Variants in ITGAM observed in about 807,000 individuals in gnomAD.
ITGAM encodes the protein integrin subunit alpha M, also known as integrin alpha-M.
Under a neutral mutation model 137.5 loss-of-function variants are expected in ITGAM, and 79 were observed. That is an observed-to-expected ratio of 0.57 (90% CI 0.48 to 0.69). The LOEUF (loss-of-function observed/expected upper bound fraction) is 0.69, where lower values mean the gene tolerates loss of function less well. ITGAM is among the 30% of genes least tolerant of loss of function. The pLI is 0.00. For missense variants in ITGAM, 1,343 were observed against 1,483.5 expected (o/e 0.91, Z 1.56); for synonymous variants, 583 against 592.3 (o/e 0.98, Z 0.23).
intron 23 of ITGAM, among the ~76,000 whole-genome samples, chr16:31,328,530 C>T (rs192402171): frequency 2.9e-4 from 43 of 148,040 alleles, no homozygotes; most frequent in Non-Finnish European, 5.5e-4. Context: ...TGTGTGCGTG[C>T]ATGGGTGTGT....
In ITGAM at chr16:31,331,199, AC is replaced by A; in HGVS notation, c.3316del (p.Leu1106CysfsTer35). Reference protein sequence around the residue: ...ETKVEPFEVPNPLPLIVGSSV... With the variant: ...ETKVEPFEVPXPLPLIVGSSV... ...AAAGTGGAGCCGTTCGAGGTCCCCAACCCCCTGCCGCTCATCGTGGGCAGCT... is the reference window on the plus strand; with the variant it reads ...AAAGTGGAGCCGTTCGAGGTCCCCAACCCCTGCCGCTCATCGTGGGCAGCT... On this transcript the variant is annotated frameshift_variant, in exon 29 of 30. Transcript: ENST00000544665. LOFTEE classifies it high-confidence loss of function. 6.2e-7 allele frequency: 1 copy of A among 1,612,432 alleles called. No individual in the cohort carries two copies. The highest frequency in any genetic ancestry group is 1.1e-5 in the South Asian group (1 of 90,994).
intron 16 of ITGAM, among the ~76,000 whole-genome samples, chr16:31,323,158 A>G (rs1232869834): frequency 6.6e-6 from 1 of 152,144 alleles, no homozygotes; most frequent in East Asian, 1.9e-4. Context: ...CTGGCCAGTC[A>G]CGGTGGCTCA....
chr16:31,273,531 G>C lies in ITGAM; in HGVS notation c.858+13G>C. 6.2e-7 allele frequency: 1 copy of C among 1,612,428 alleles called. No individual in the cohort carries two copies. Among genetic ancestry groups the C allele is most frequent in the Non-Finnish European group, 8.5e-7 (1 of 1,178,906 alleles). On this transcript the variant is annotated intron_variant, in intron 8 of 29. Coordinates refer to ENST00000544665, the MANE Select transcript of ITGAM (RefSeq NM_000632.4). ...CTACGTCATTGGGGTAGGGAATGCA[G>C]CTCTCAGGTTGATGCTTCTGTGGAG...
chr16:31,321,382 C>T lies in ITGAM; in HGVS notation c.1838+11C>T. The T allele has an allele frequency of 6.2e-7, 1 of 1,613,928 alleles. No individual in the cohort carries two copies. The highest frequency in any genetic ancestry group is 8.5e-7 in the Non-Finnish European group (1 of 1,179,856). ...CGTGCTGCTGCTCAGGTGAGAATGC[C>T]TTTTGGAGTCAACCGGACATTCTCC... On this transcript the variant is annotated intron_variant, in intron 15 of 29. Transcript: ENST00000544665.
In ITGAM at chr16:31,324,921, TCTTTC is replaced by T. The variant is rs771885019; in HGVS notation, c.2290-31_2290-27del. The T allele has an allele frequency of 5.7e-6, 9 of 1,570,270 alleles. No homozygotes were observed. The highest frequency in any genetic ancestry group is 1.2e-5 in the South Asian group (1 of 85,970). On this transcript the variant is annotated intron_variant, in intron 18 of 29. Coordinates refer to ENST00000544665, the MANE Select transcript of ITGAM (RefSeq NM_000632.4). The surrounding 1 kb of genome is among the most constrained non-coding windows in gnomAD (Gnocchi z 4.5). Reference sequence around the variant, plus strand: ...TTAATTTCACAATACTTGGTTATTTTCTTTCCTTTCATTTGATCATATTTATTTTT... The same window carrying T: ...TTAATTTCACAATACTTGGTTATTTTCTTTCATTTGATCATATTTATTTTT...
chr16:31,264,572 A>G (rs1178259231), intron 2 of ITGAM, among the ~76,000 whole-genome samples: 2 of 152,128 alleles, frequency 1.3e-5, no homozygotes, highest in Admixed American at 1.3e-4. Flanking sequence ...TGAGCCCAGG[A>G]GGCAGAGGTT....
At chr16:31,316,708 A>G (rs1274167251) in intron 14 of ITGAM, among the ~76,000 whole-genome samples, 3 of 152,232 alleles carry the variant, frequency 2.0e-5, no homozygotes, top group Non-Finnish European at 2.9e-5. Context: ...TTTGAATAGT[A>G]TGGACCTTTA....
chr16:31,309,908 A>G (rs1013419358), intron 14 of ITGAM, among the ~76,000 whole-genome samples: 16 of 152,042 alleles, frequency 1.1e-4, no homozygotes, highest in African/African-American at 2.9e-4. Context: ...TTCTTCACTT[A>G]TGAAGCTTAG....
intron 1 of ITGAM, among the ~76,000 whole-genome samples, chr16:31,260,823 G>A (rs563418934): frequency 6.6e-6 from 1 of 152,318 alleles, no homozygotes; most frequent in South Asian, 2.1e-4. Context: ...CAACCTGCCA[G>A]CTAGAGATTG....
intron 13 of ITGAM, 25 bp from the exon 14 acceptor site, chr16:31,297,720 G>A: frequency 3.1e-6 from 5 of 1,593,936 alleles, no homozygotes; most frequent in Non-Finnish European, 3.4e-6. Flanking sequence ...CTGGGTTGGG[G>A]CCTGATACTG....
At chr16:31,275,993 G>A (rs778494337) in intron 9 of ITGAM, among the ~76,000 whole-genome samples, 5 of 152,172 alleles carry the variant, frequency 3.3e-5, no homozygotes, top group Non-Finnish European at 5.9e-5. Context: ...GCCAGCTGTC[G>A]TCTGTTCGGT....
chr16:31,305,679 C>T (rs186521020), intron 14 of ITGAM, among the ~76,000 whole-genome samples: 153 of 152,082 alleles, frequency 1.0e-3, no homozygotes, highest in African/African-American at 3.4e-3. Context: ...TAAAGGGATG[C>T]TGGATTTTAT....
chr16:31,274,515 A>G (rs2079884730), intron 8 of ITGAM, among the ~76,000 whole-genome samples: 1 of 152,206 alleles, frequency 6.6e-6, no homozygotes, highest in African/African-American at 2.4e-5. Context: ...TCTTCTAGTC[A>G]CAGAGCTGTC....
intron 12 of ITGAM, among the ~76,000 whole-genome samples, chr16:31,284,982 C>T (rs1012732768): frequency 6.6e-6 from 1 of 152,088 alleles, no homozygotes; most frequent in South Asian, 2.1e-4. Flanking sequence ...GAAGGAAGGG[C>T]TTTATTCAGT....
At chr16:31,300,043 TAGAGATGGGG>T (rs926963822) in intron 14 of ITGAM, among the ~76,000 whole-genome samples, 3 of 152,112 alleles carry the variant, frequency 2.0e-5, no homozygotes, top group African/African-American at 7.2e-5. Context: ...TTATTTTTTG[TAGAGATGGGG>T]TCTCCCTATG....
At chr16:31,304,960 A>G (rs956008724) in intron 14 of ITGAM, among the ~76,000 whole-genome samples, 1 of 151,920 alleles carries the variant, frequency 6.6e-6, no homozygotes, top group Non-Finnish European at 1.5e-5. Flanking sequence ...TTTTTGTTCC[A>G]TATGAGTTTT....
chr16:31,328,933 T>C (rs1167321132), intron 23 of ITGAM: 1 of 519,220 alleles, frequency 1.9e-6, no homozygotes, highest in East Asian at 3.4e-5. Context: ...TGTGCATGTA[T>C]GTGTGCATGG....
In ITGAM at chr16:31,331,827, G is replaced by A. The variant is rs2080588283; in HGVS notation, c.*120G>A. On this transcript the variant is annotated 3_prime_UTR_variant, in exon 30 of 30. Coordinates refer to ENST00000544665, the MANE Select transcript of ITGAM (RefSeq NM_000632.4). Reference sequence around the variant, plus strand: ...AGTATCCCCGACAGGACGGGCTTGGGCTTCCATTTGTGTGTGTGCAAGTGT... The same window carrying A: ...AGTATCCCCGACAGGACGGGCTTGGACTTCCATTTGTGTGTGTGCAAGTGT... The A allele has an allele frequency of 1.3e-6, 1 of 754,794 alleles. No individual in the cohort carries two copies. The highest frequency in any genetic ancestry group is 2.2e-6 in the Non-Finnish European group (1 of 462,060). The allele number at this position is 754,794 out of a possible 1,614,324, so 46.8% of individuals were successfully genotyped here. A position where few individuals can be genotyped will look rare whatever the true frequency, so the allele number is the denominator to read the frequency against.
chr16:31,283,554 T>C (rs1487362495), intron 12 of ITGAM, among the ~76,000 whole-genome samples: 1 of 152,244 alleles, frequency 6.6e-6, no homozygotes, highest in Non-Finnish European at 1.5e-5. Context: ...TCTCATGCCA[T>C]GGTTTTCAGC....
Sources: allele counts gnomAD v4.1 joint callset (sites outside exome capture counted in the v4.1 genomes callset), GRCh38; gene constraint gnomAD v4.1.1; non-coding constraint Gnocchi (gnomAD v3.1); transcripts MANE v1.5; gene names NCBI Gene and HGNC (gene_info 2026-07-23, HGNC 2026-07-21).